DHX8: variants seen among roughly 807,000 people sequenced by gnomAD.
DHX8 encodes DEAH-box helicase 8, also known as ATP-dependent RNA helicase DHX8.
In DHX8, 67 loss-of-function variants were observed where a neutral mutation model predicts 140.7. That is an observed-to-expected ratio of 0.48 (90% confidence interval 0.39 to 0.58). The LOEUF (loss-of-function observed/expected upper bound fraction) is 0.58, where lower values mean the gene tolerates loss of function less well. Ranked by LOEUF, DHX8 falls within the 20% of genes least tolerant of loss-of-function variation. The pLI, the probability that DHX8 is intolerant of heterozygous loss-of-function variation, is 0.00. For missense variants in DHX8, 887 were observed against 1,550.7 expected (o/e 0.57, Z 7.19); for synonymous variants, 533 against 553.2 (o/e 0.96, Z 0.51).
chr17:43,528,470 T>C (rs1012023602), downstream of DHX8: 4 of 1,275,758 alleles, frequency 3.1e-6, no homozygotes, highest in African/African-American at 1.5e-5. Flanking sequence ...TTCATTTATA[T>C]GTACACAGGG....
chr17:43,496,508 T>C (rs749155903), intron 9 of DHX8, among the ~76,000 whole-genome samples: 3 of 152,194 alleles, frequency 2.0e-5, no homozygotes, highest in South Asian at 4.1e-4. Flanking sequence ...CCAGGCATGG[T>C]GGCTCACGCC....
At chr17:43,488,287 AAAAAAAAAAG>A (rs1296157642) in intron 1 of DHX8, among the ~76,000 whole-genome samples, 8 of 126,026 alleles carry the variant, frequency 6.3e-5, no homozygotes, top group African/African-American at 2.5e-4. Context: ...CAAAAAAAAG[AAAAAAAAAAG>A]AAAAAAAGAA....
At chr17:43,540,719 A>G (rs1971476654) in intron 3 of DHX8, among the ~76,000 whole-genome samples, 1 of 152,154 alleles carries the variant, frequency 6.6e-6, no homozygotes, top group African/African-American at 2.4e-5. Flanking sequence ...AAATCTGTCC[A>G]CCTGCCCAGG....
intron 17 of DHX8, among the ~76,000 whole-genome samples, chr17:43,514,096 C>T (rs1031152677): frequency 6.6e-6 from 1 of 152,104 alleles, no homozygotes; most frequent in Non-Finnish European, 1.5e-5. Context: ...AATCCCAGCA[C>T]TTTGGAATGC....
intron 3 of DHX8, among the ~76,000 whole-genome samples, chr17:43,540,177 G>C (rs561076430): frequency 2.6e-5 from 4 of 152,222 alleles, no homozygotes; most frequent in African/African-American, 9.7e-5. Context: ...TTACAGCCAG[G>C]TGTGGTGGCT....
At chr17:43,521,304 A>T in intron 20 of DHX8, 65 bp from the exon 21 acceptor site, 1 of 1,387,982 alleles carries the variant, frequency 7.2e-7, no homozygotes, top group Non-Finnish European at 9.9e-7. Context: ...GGCTCCCTAG[A>T]ATTGCTCCAT....
exon 4 of DHX8, chr17:43,544,376 G>A (rs953390031): frequency 6.5e-6 from 1 of 152,860 alleles, no homozygotes; most frequent in Admixed American, 6.5e-5. Context: ...AGGAACACTT[G>A]CTATTAGAAT....
chr17:43,513,414 A>T lies in DHX8; in HGVS notation c.2555A>T (p.Tyr852Phe). ...AETSLTIDGI[Y>F]YVVDPGFVKQ... ...ACATCGCTGACTATTGATGGTATCT[A>T]CTATGTGGTGGACCCAGGATTCGTG... Residue 852 changes from tyrosine (Y) to phenylalanine (F), a missense_variant, in exon 17 of 23, where the codon TAC (tyrosine) becomes TTC (phenylalanine). Tyr to Phe is a conservative substitution (Grantham distance 22, BLOSUM62 3). Transcript: ENST00000262415. 1 of 1,614,090 alleles carries T rather than the reference A, an allele frequency of 6.2e-7. No homozygotes were observed. The highest frequency in any genetic ancestry group is 8.5e-7 in the Non-Finnish European group (1 of 1,179,998).
chr17:43,514,438 C>G (rs1030722868), intron 17 of DHX8, among the ~76,000 whole-genome samples: 11 of 151,994 alleles, frequency 7.2e-5, no homozygotes, highest in African/African-American at 2.4e-4. Context: ...ATGGAAAGAT[C>G]AGTACTTTAT....
rs1234527441 is a variant in DHX8, at chr17:43,513,511, G to T, written c.2643+9G>T. ...TGACGCCTATTTCTCAGGTATGACG[G>T]CTTGTATCAACAGTTTTCCTGATAA... On this transcript the variant is annotated intron_variant, in intron 17 of 22. Transcript: ENST00000262415. 1 of 1,612,142 alleles carries T rather than the reference G, an allele frequency of 6.2e-7. No homozygotes were observed. The highest frequency in any genetic ancestry group is 1.7e-5 in the Admixed American group (1 of 59,656).
intron 16 of DHX8, among the ~76,000 whole-genome samples, chr17:43,511,119 C>T (rs1347874880): frequency 6.6e-6 from 1 of 152,096 alleles, no homozygotes; most frequent in Non-Finnish European, 1.5e-5. Context: ...CACCTGAGGT[C>T]AGGAGTTCAA....
downstream of DHX8, chr17:43,526,609 A>C (rs1168035908): frequency 6.5e-7 from 1 of 1,535,542 alleles, no homozygotes; most frequent in African/African-American, 1.4e-5. Context: ...TGAACAGTTC[A>C]GAGGGCAGAG....
chr17:43,509,007 T>G (rs1047413735), intron 16 of DHX8, among the ~76,000 whole-genome samples: 2 of 152,210 alleles, frequency 1.3e-5, no homozygotes, highest in African/African-American at 4.8e-5. Context: ...GTTTAGTATG[T>G]GACCTCTCCT....
chr17:43,499,541 T>G (rs1363518713), intron 10 of DHX8, among the ~76,000 whole-genome samples: 2 of 152,204 alleles, frequency 1.3e-5, no homozygotes, highest in African/African-American at 4.8e-5. Flanking sequence ...CACCAGCCCT[T>G]AAGGAGGTAC....
chr17:43,493,629 A>C (rs780990163), intron 7 of DHX8, 40 bp downstream of exon 7: 16 of 1,614,010 alleles, frequency 9.9e-6, no homozygotes, highest in African/African-American at 1.3e-5. Flanking sequence ...TGTGATGGCC[A>C]AGGGAATGGA....
downstream of DHX8, chr17:43,528,831 CTACCAG>C: frequency 9.5e-7 from 1 of 1,057,986 alleles, no homozygotes; most frequent in South Asian, 1.5e-5. Flanking sequence ...TGTGGCCCTT[CTACCAG>C]TACAGGCAGA....
At chr17:43,496,294 G>C (rs934949321) in intron 9 of DHX8, 26 bp downstream of exon 9, 3 of 1,550,864 alleles carry the variant, frequency 1.9e-6, no homozygotes, top group Non-Finnish European at 2.7e-6. Flanking sequence ...GATCGAGAAG[G>C]GTAATTGGCA....
chr17:43,541,036 C>G (rs1189415132), intron 3 of DHX8, among the ~76,000 whole-genome samples: 2 of 152,146 alleles, frequency 1.3e-5, no homozygotes, highest in African/African-American at 2.4e-5. Context: ...CTTCCTGCCT[C>G]GGGCCTGACA....
At chr17:43,530,920 TTG>T (rs1491131383), downstream of DHX8, among the ~76,000 whole-genome samples, 2 of 152,062 alleles carry the variant, frequency 1.3e-5, no homozygotes, top group Non-Finnish European at 2.9e-5. Context: ...TGCCTCCATT[TTG>T]TGAATGGAAT....
Sources: allele counts gnomAD v4.1 joint callset (sites outside exome capture counted in the v4.1 genomes callset), GRCh38; gene constraint gnomAD v4.1.1; transcripts MANE v1.5; gene names NCBI Gene and HGNC (gene_info 2026-07-23, HGNC 2026-07-21).